The following WDR64 variants were observed in gnomAD, a reference collection of about 807,000 sequenced individuals.
The protein encoded by WDR64 is WD repeat domain 64.
A neutral mutation model predicts 139.3 loss-of-function variants in WDR64; 112 were observed. That is an observed-to-expected ratio of 0.80 (90% confidence interval 0.69 to 0.94). The LOEUF is 0.94. Among genes scored for constraint, WDR64 ranks in the 40% least tolerant of loss-of-function variants. WDR64 has a pLI of 0.00. For missense variants in WDR64, 1,206 were observed against 1,293.1 expected, an observed-to-expected ratio of 0.93 and a Z score of 1.03; for synonymous variants, 444 against 437.7, an observed-to-expected ratio of 1.01 and a Z score of -0.18.
At chr1:241,758,935 G>A (rs1670316023) in intron 15 of WDR64, among the ~76,000 whole-genome samples, 2 of 152,104 alleles carry the variant, frequency 1.3e-5, no homozygotes, top group South Asian at 4.2e-4. Context: ...AAGAGAAAAT[G>A]CACTACTATT....
rs990649184 is a variant in WDR64 at position 241,703,824 on chromosome 1, G to A, written c.975-7978G>A. On this transcript the variant is annotated intron_variant, in intron 8 of 27. Coordinates refer to ENST00000437684, the MANE Select transcript of WDR64 (RefSeq NM_001367482.1). The surrounding 1 kb of genome is among the most constrained non-coding windows in gnomAD (Gnocchi z 5.9). ...TTACAATCATGGCGGAAGGTGAAAG[G>A]GAAGCAAGGACCTTCTTCACATGAT... Among the ~76,000 whole-genome samples the A allele has an allele frequency of 2.0e-5, 3 of 152,112 alleles. No individual in the cohort carries two copies. The highest frequency in any genetic ancestry group is 4.4e-5 in the Non-Finnish European group (3 of 68,026).
At chr1:241,700,158 G>A (rs1022589627) in intron 8 of WDR64, among the ~76,000 whole-genome samples, 4 of 148,696 alleles carry the variant, frequency 2.7e-5, no homozygotes, top group African/African-American at 9.9e-5. Flanking sequence ...GGAGAGGGAG[G>A]AATCTGTTTC....
intron 14 of WDR64, among the ~76,000 whole-genome samples, chr1:241,750,269 A>G (rs1245825231): frequency 1.3e-5 from 2 of 152,348 alleles, no homozygotes; most frequent in Non-Finnish European, 2.9e-5. Flanking sequence ...CTTCAAATTT[A>G]TAATGAAGAC....
chr1:241,670,162 T>C (rs956915542), intron 2 of WDR64, among the ~76,000 whole-genome samples: 10 of 152,230 alleles, frequency 6.6e-5, no homozygotes, highest in Admixed American at 2.0e-4. Flanking sequence ...AGCTATCTTA[T>C]TTTCTTCATT....
At chr1:241,767,841 C>T (rs1184116327) in intron 16 of WDR64, among the ~76,000 whole-genome samples, 6 of 152,162 alleles carry the variant, frequency 3.9e-5, no homozygotes, top group Non-Finnish European at 8.8e-5. Flanking sequence ...CCTCAGTCCA[C>T]ATACTCCTGG....
At chr1:241,782,644 C>A (rs1478632087) in intron 22 of WDR64, among the ~76,000 whole-genome samples, 1 of 152,130 alleles carries the variant, frequency 6.6e-6, no homozygotes, top group Non-Finnish European at 1.5e-5. Flanking sequence ...TTGAGGATAG[C>A]CACACCCTGA....
intron 10 of WDR64, among the ~76,000 whole-genome samples, chr1:241,729,953 A>G (rs892310205): frequency 3.9e-5 from 6 of 152,200 alleles, no homozygotes; most frequent in Admixed American, 1.3e-4. Context: ...GGCTTGGAAC[A>G]TTCCCTTTTG....
intron 27 of WDR64, among the ~76,000 whole-genome samples, chr1:241,799,896 C>T (rs919355526): frequency 5.9e-5 from 9 of 152,036 alleles, no homozygotes; most frequent in Non-Finnish European, 1.3e-4. Flanking sequence ...TATAAAAATC[C>T]ATTTTTTCCA....
At chr1:241,698,632 C>A (rs557940820) in intron 8 of WDR64, among the ~76,000 whole-genome samples, 99 of 152,144 alleles carry the variant, frequency 6.5e-4, no homozygotes, top group African/African-American at 2.0e-3. Context: ...TTCCTTGAAA[C>A]CCCCATGCTG....
At chr1:241,736,465 T>TGA in intron 10 of WDR64, among the ~76,000 whole-genome samples, 1 of 148,778 alleles carries the variant, frequency 6.7e-6, no homozygotes, top group Non-Finnish European at 1.5e-5. Context: ...AGAAGGCCTT[T>TGA]GAGAGGAAAT....
intron 8 of WDR64, among the ~76,000 whole-genome samples, chr1:241,695,655 T>C (rs1667453874): frequency 6.6e-6 from 1 of 152,204 alleles, no homozygotes; most frequent in African/African-American, 2.4e-5. Context: ...AAAATAAACT[T>C]GGCAGTGATT....
chr1:241,782,701 T>C (rs1658896195), intron 22 of WDR64, among the ~76,000 whole-genome samples: 1 of 152,190 alleles, frequency 6.6e-6, no homozygotes, highest in Non-Finnish European at 1.5e-5. Flanking sequence ...TTTCTACTCC[T>C]GTGACAGATG....
At chr1:241,769,276 T>A in intron 16 of WDR64, 128 bp from the exon 17 acceptor site, 4 of 722,342 alleles carry the variant, frequency 5.5e-6, no homozygotes, top group Non-Finnish European at 8.9e-6. Flanking sequence ...TTCCTTGCAT[T>A]TTCTTTTCAT....
intron 8 of WDR64, among the ~76,000 whole-genome samples, chr1:241,689,845 G>A (rs756446855): frequency 4.6e-5 from 7 of 151,982 alleles, no homozygotes; most frequent in Admixed American, 2.6e-4. Context: ...TTAGTATACC[G>A]GACGTAGCTG....
At chr1:241,707,108 A>G (rs1193717455) in intron 8 of WDR64, among the ~76,000 whole-genome samples, 3 of 151,912 alleles carry the variant, frequency 2.0e-5, no homozygotes, top group African/African-American at 7.3e-5. Context: ...TCTCCCAGCT[A>G]GTTTACCTGC....
At chr1:241,777,828 T>C (rs1658715272) in intron 21 of WDR64, among the ~76,000 whole-genome samples, 1 of 152,168 alleles carries the variant, frequency 6.6e-6, no homozygotes, top group African/African-American at 2.4e-5. Context: ...GATTTTCCAG[T>C]TGTCTTTCTG....
Position 241,666,891 on chromosome 1 carries a change from A to T in WDR64, c.277-4183A>T, listed in dbSNP as rs114922029. 6.2e-3 allele frequency among the ~76,000 whole-genome samples: 938 copies of T among 152,326 alleles called. 7 individuals are homozygous for T. The highest frequency in any genetic ancestry group is 0.021 in the African/African-American group (885 of 41,572). ...AGACTCAAGTACAGAGAAACTAAGG[A>T]TCTTGCTTGAGGTCATGTGACTAGT... On this transcript the variant is annotated intron_variant, in intron 2 of 27. Coordinates refer to ENST00000437684, the MANE Select transcript of WDR64 (RefSeq NM_001367482.1).
chr1:241,721,085 G>A (rs1333042840), intron 9 of WDR64, among the ~76,000 whole-genome samples: 1 of 152,128 alleles, frequency 6.6e-6, no homozygotes, highest in Non-Finnish European at 1.5e-5. Flanking sequence ...GGTCAGGTTT[G>A]TTGACAATCA....
intron 2 of WDR64, among the ~76,000 whole-genome samples, chr1:241,669,297 G>C (rs901576518): frequency 7.2e-5 from 11 of 152,102 alleles, no homozygotes; most frequent in African/African-American, 2.7e-4. Context: ...GCCATGAAGC[G>C]GTATTGTGGG....
Sources: allele counts gnomAD v4.1 joint callset (sites outside exome capture counted in the v4.1 genomes callset), GRCh38; gene constraint gnomAD v4.1.1; non-coding constraint Gnocchi (gnomAD v3.1); transcripts MANE v1.5; gene names NCBI Gene and HGNC (gene_info 2026-07-23, HGNC 2026-07-21).